The following STARD13 variants were observed in gnomAD, a reference collection of about 807,000 sequenced individuals.
STARD13 encodes stAR-related lipid transfer protein 13.
Under a neutral mutation model 106.4 loss-of-function variants are expected in STARD13, and 62 were observed. The ratio of observed to expected loss-of-function variants is 0.58; its 90% confidence interval spans 0.48 to 0.72. STARD13 has a LOEUF of 0.72. Among genes scored for constraint, STARD13 ranks in the 30% least tolerant of loss-of-function variants. The probability of loss-of-function intolerance (pLI) is 0.00; values close to 1 mark genes in which losing one functional copy is unlikely to be tolerated. For synonymous variants in STARD13, 565 were observed against 553.0 expected, an observed-to-expected ratio of 1.02 and a Z score of -0.31; for missense variants, 1,387 against 1,424.0, an observed-to-expected ratio of 0.97 and a Z score of 0.42.
chr13:33,418,433 A>G, the STARD13 span, among the ~76,000 whole-genome samples: 4 of 152,242 alleles, frequency 2.6e-5, no homozygotes, highest in Non-Finnish European at 5.9e-5. Flanking sequence ...CAAAGCTGCC[A>G]GGGAAGCTCA....
At chr13:33,571,175 A>G in the STARD13 span, among the ~76,000 whole-genome samples, 1 of 152,158 alleles carries the variant, frequency 6.6e-6, no homozygotes, top group South Asian at 2.1e-4. Context: ...TGCTCTCCAA[A>G]GAACTGAGAT....
intron 1 of STARD13, among the ~76,000 whole-genome samples, chr13:33,213,943 CA>C (rs1221219765): frequency 6.6e-6 from 1 of 152,160 alleles, no homozygotes; most frequent in African/African-American, 2.4e-5. Context: ...ATGGAAAGAA[CA>C]AAGCCCCAGG....
chr13:33,238,166 C>T (rs1889286961), intron 1 of STARD13, among the ~76,000 whole-genome samples: 2 of 152,144 alleles, frequency 1.3e-5, no homozygotes, highest in East Asian at 1.9e-4. Flanking sequence ...TAATACAGCA[C>T]CACATAAAGC....
intron 1 of STARD13, among the ~76,000 whole-genome samples, chr13:33,188,479 C>T (rs998523308): frequency 6.6e-6 from 1 of 151,972 alleles, no homozygotes; most frequent in African/African-American, 2.4e-5. Flanking sequence ...TCTGCTGCTA[C>T]ACACACACAC....
intron 1 of STARD13, chr13:33,334,049 T>A (rs903738691): frequency 6.6e-6 from 1 of 152,174 alleles, no homozygotes; most frequent in African/African-American, 2.4e-5. Context: ...ACTTCATGAC[T>A]CTGAAAAGAA....
At chr13:33,349,489 A>G (rs921156619) in intron 1 of STARD13, among the ~76,000 whole-genome samples, 1 of 152,160 alleles carries the variant, frequency 6.6e-6, no homozygotes, top group Admixed American at 6.5e-5. Context: ...CCTTGGCCCT[A>G]CAGAAAGAGG....
intron 8 of STARD13, 96 bp from the exon 9 acceptor site, chr13:33,113,027 G>T: frequency 1.1e-6 from 1 of 871,400 alleles, no homozygotes; most frequent in Admixed American, 2.7e-5. Context: ...GTGTGAACAC[G>T]CACCCAGAGT....
the STARD13 span, among the ~76,000 whole-genome samples, chr13:33,627,856 G>A: frequency 6.6e-6 from 1 of 152,030 alleles, no homozygotes; most frequent in African/African-American, 2.4e-5. Context: ...CTGACGTACA[G>A]CAACCACAAT....
the STARD13 span, among the ~76,000 whole-genome samples, chr13:33,447,924 A>G: frequency 0.092 from 14,069 of 152,220 alleles, 739 homozygotes; most frequent in East Asian, 0.14. Context: ...GAATTAACTG[A>G]TTGAGATAAT....
At chr13:33,324,108 T>A (rs1893655937) in intron 1 of STARD13, among the ~76,000 whole-genome samples, 1 of 152,238 alleles carries the variant, frequency 6.6e-6, no homozygotes, top group African/African-American at 2.4e-5. Context: ...AAAGTTATAA[T>A]GTGACATATA....
intron 1 of STARD13, among the ~76,000 whole-genome samples, chr13:33,302,760 C>A (rs1892768501): frequency 6.6e-6 from 1 of 152,126 alleles, no homozygotes; most frequent in African/African-American, 2.4e-5. Context: ...GTTTTTTCTT[C>A]AATTTACAGA....
Position 33,226,017 on chromosome 13 carries a change from T to C in STARD13, c.170-58395A>G, listed in dbSNP as rs112478814. Among the ~76,000 whole-genome samples, 844 of 152,288 alleles carry C rather than the reference T, an allele frequency of 5.5e-3. 9 individuals carry two copies. The highest frequency in any genetic ancestry group is 0.019 in the African/African-American group (795 of 41,558). ...CATGATGGGGTTAGTTAAGTCCTTA[T>C]AAGAAGAGACATCAGAGAGCTTGCC... is the stretch of plus-strand genomic sequence containing the variant. On this transcript the variant is annotated intron_variant, in intron 1 of 13. Coordinates refer to ENST00000336934, the MANE Select transcript of STARD13 (RefSeq NM_178006.4).
chr13:33,270,801 C>T (rs150377391), intron 1 of STARD13, among the ~76,000 whole-genome samples: 80 of 152,274 alleles, frequency 5.3e-4, no homozygotes, highest in South Asian at 1.7e-3. Flanking sequence ...GTCAGGTTGT[C>T]TTATCCATAG....
chr13:33,277,962 T>TG (rs974365467), intron 1 of STARD13: 19 of 152,292 alleles, frequency 1.2e-4, no homozygotes, highest in African/African-American at 3.8e-4. Flanking sequence ...ATAGAATACT[T>TG]GCAATGTTCC....
At chr13:33,367,137 A>G in the STARD13 span, among the ~76,000 whole-genome samples, 2 of 152,246 alleles carry the variant, frequency 1.3e-5, no homozygotes, top group African/African-American at 2.4e-5. Context: ...CTATGGAGAT[A>G]ATATATCAAA....
intron 8 of STARD13, among the ~76,000 whole-genome samples, chr13:33,114,735 T>G (rs1875113733): frequency 6.6e-6 from 1 of 152,196 alleles, no homozygotes; most frequent in Non-Finnish European, 1.5e-5. Flanking sequence ...CCAGCCATCA[T>G]TTTTGAAGAG....
At chr13:33,222,801 C>T (rs543314328) in intron 1 of STARD13, among the ~76,000 whole-genome samples, 1 of 152,310 alleles carries the variant, frequency 6.6e-6, no homozygotes, top group South Asian at 2.1e-4. Flanking sequence ...TGTTCAGCAA[C>T]CAGCAAAATG....
In STARD13 at chr13:33,162,106, C is replaced by T. The variant is rs189425371; in HGVS notation, c.323+3231G>A. ...CCTCTTGCTCCTCCAAATCTCATGTCCTCACATTTCAAAACCAGTCATGCC... is the reference window on the plus strand; with the variant it reads ...CCTCTTGCTCCTCCAAATCTCATGTTCTCACATTTCAAAACCAGTCATGCC... On this transcript the variant is annotated intron_variant, in intron 3 of 13. Coordinates refer to ENST00000336934, the MANE Select transcript of STARD13 (RefSeq NM_178006.4). Among the ~76,000 whole-genome samples the T allele has an allele frequency of 3.2e-4, 48 of 152,298 alleles. 2 individuals carry two copies. In the East Asian group the frequency reaches 8.3e-3, roughly 26 times the overall value.
chr13:33,577,071 A>G, the STARD13 span, among the ~76,000 whole-genome samples: 3 of 152,338 alleles, frequency 2.0e-5, no homozygotes, highest in East Asian at 5.8e-4. Context: ...CATTTTTATC[A>G]TTTAATCATT....
Sources: allele counts gnomAD v4.1 joint callset (sites outside exome capture counted in the v4.1 genomes callset), GRCh38; gene constraint gnomAD v4.1.1; transcripts MANE v1.5; gene names NCBI Gene and HGNC (gene_info 2026-07-23, HGNC 2026-07-21).